The following NNMT variants were observed in gnomAD, a reference collection of about 807,000 sequenced individuals.
NNMT encodes the protein nicotinamide N-methyltransferase.
NNMT carries 10 observed loss-of-function variants against 11.7 expected under a neutral mutation model. That is an observed-to-expected ratio of 0.85 (90% CI 0.53 to 1.45). NNMT has a LOEUF of 1.45. Ranked by LOEUF, NNMT falls within the 40% of genes most tolerant of loss-of-function variation. NNMT has a pLI of 0.00. For missense variants in NNMT, 381 were observed against 319.4 expected, an observed-to-expected ratio of 1.19 and a Z score of -1.47; for synonymous variants, 143 against 133.8, an observed-to-expected ratio of 1.07 and a Z score of -0.48.
Position 114,279,647 on chromosome 11 carries a change from A to C in NNMT, c.-130+16713A>C, listed in dbSNP as rs768723731. 2.0e-5 allele frequency among the ~76,000 whole-genome samples: 3 copies of C among 152,192 alleles called. No homozygotes were observed. The East Asian group carries it at 5.8e-4, about 29-fold the overall frequency. ...CATTTGGCTCAAGGGTGGGCTCCCTATGCCAGAGCAGAAGGAGACAGTGCT... is the reference window on the plus strand; with the variant it reads ...CATTTGGCTCAAGGGTGGGCTCCCTCTGCCAGAGCAGAAGGAGACAGTGCT... On this transcript the variant is annotated intron_variant, in intron 2 of 4. Transcript: ENST00000535401.
intron 2 of NNMT, among the ~76,000 whole-genome samples, chr11:114,274,186 C>T (rs988560582): frequency 3.9e-5 from 6 of 152,226 alleles, no homozygotes. Context: ...ACAAACGTGT[C>T]TCTCTAAGAA....
chr11:114,291,548 C>T (rs1945335199), upstream of NNMT, among the ~76,000 whole-genome samples: 1 of 152,034 alleles, frequency 6.6e-6, no homozygotes, highest in South Asian at 2.1e-4. Context: ...TGGTTGTGGG[C>T]TTATGATCCT....
intron 2 of NNMT, among the ~76,000 whole-genome samples, chr11:114,273,659 G>A (rs1290825273): frequency 1.3e-5 from 2 of 152,120 alleles, no homozygotes; most frequent in African/African-American, 4.8e-5. Context: ...GGCCAACATG[G>A]TGAAACCCCG....
At chr11:114,271,058 T>C (rs1247316776) in intron 2 of NNMT, among the ~76,000 whole-genome samples, 1 of 152,172 alleles carries the variant, frequency 6.6e-6, no homozygotes, top group African/African-American at 2.4e-5. Flanking sequence ...ATTACAGGCA[T>C]GAACCACCAT....
At position 114,273,160 on chromosome 11, in the gene NNMT, C is replaced by T. The variant is rs190104664; in HGVS notation, c.-130+10226C>T. 1.6e-3 allele frequency among the ~76,000 whole-genome samples: 249 copies of T among 152,266 alleles called. 2 individuals carry two copies. Among genetic ancestry groups the T allele is most frequent in the African/African-American group, 5.7e-3 (237 of 41,542 alleles). On this transcript the variant is annotated intron_variant, in intron 2 of 4. Coordinates refer to the NNMT transcript ENST00000535401. ...AATTAAAGAGATGACTATTTCCTGT[C>T]GTTCTACAAAAAGGACCAAGATTTC...
chr11:114,282,507 CAG>C (rs1455081030), intron 2 of NNMT, among the ~76,000 whole-genome samples: 5 of 152,306 alleles, frequency 3.3e-5, no homozygotes, highest in Admixed American at 1.3e-4. Context: ...CATTTTGTGA[CAG>C]AGATTGTCTA....
chr11:114,274,653 G>C (rs1430782147), intron 2 of NNMT, among the ~76,000 whole-genome samples: 1 of 152,206 alleles, frequency 6.6e-6, no homozygotes, highest in Non-Finnish European at 1.5e-5. Flanking sequence ...GAAAGGAAGA[G>C]TGAGTTCTAT....
intron 2 of NNMT, among the ~76,000 whole-genome samples, chr11:114,278,200 G>C (rs758449061): frequency 7.2e-5 from 11 of 152,146 alleles, no homozygotes; most frequent in Non-Finnish European, 4.4e-5. Flanking sequence ...GGAAGGCAAG[G>C]GAGGAGCAGG....
chr11:114,274,608 A>G (rs1945200802), intron 2 of NNMT, among the ~76,000 whole-genome samples: 1 of 152,214 alleles, frequency 6.6e-6, no homozygotes, highest in Non-Finnish European at 1.5e-5. Flanking sequence ...GATGGAGACT[A>G]AGAAAGAAGG....
intron 2 of NNMT, among the ~76,000 whole-genome samples, chr11:114,266,483 A>C (rs1467112827): frequency 6.6e-6 from 1 of 152,152 alleles, no homozygotes; most frequent in Admixed American, 6.5e-5. Context: ...TTTCCAGAAC[A>C]GGACAGGCCT....
chr11:114,269,885 A>G (rs981934698), intron 2 of NNMT, among the ~76,000 whole-genome samples: 27 of 152,148 alleles, frequency 1.8e-4, no homozygotes, highest in Non-Finnish European at 3.4e-4. Context: ...TGCTTAATTC[A>G]TGTATTAATT....
At chr11:114,296,829 T>A in intron 1 of NNMT, 119 bp downstream of exon 1, 1 of 957,832 alleles carries the variant, frequency 1.0e-6, no homozygotes, top group Admixed American at 2.2e-5. Flanking sequence ...ATCACCCATT[T>A]ATTTAACTAG....
chr11:114,274,116 C>T (rs1945194757), intron 2 of NNMT, among the ~76,000 whole-genome samples: 2 of 152,194 alleles, frequency 1.3e-5, no homozygotes, highest in Admixed American at 1.3e-4. Context: ...GCTGTTAGTG[C>T]AGATAAAATT....
chr11:114,281,056 G>T (rs1945258666), intron 2 of NNMT, among the ~76,000 whole-genome samples: 1 of 152,186 alleles, frequency 6.6e-6, no homozygotes, highest in African/African-American at 2.4e-5. Flanking sequence ...CTGGCCCAGG[G>T]TCCCACTAGG....
intron 2 of NNMT, among the ~76,000 whole-genome samples, chr11:114,311,126 C>T (rs768185926): frequency 1.3e-5 from 2 of 152,004 alleles, no homozygotes; most frequent in African/African-American, 2.4e-5. Context: ...GCCAGAAGTT[C>T]GAGACCAGCC....
intron 2 of NNMT, among the ~76,000 whole-genome samples, chr11:114,284,108 A>C (rs778122132): frequency 3.3e-5 from 5 of 152,242 alleles, no homozygotes; most frequent in Non-Finnish European, 5.9e-5. Context: ...AAAGGAAACA[A>C]AGCAAAATAG....
chr11:114,272,412 T>C (rs769638787), intron 2 of NNMT, among the ~76,000 whole-genome samples: 2 of 152,162 alleles, frequency 1.3e-5, no homozygotes, highest in Non-Finnish European at 2.9e-5. Context: ...ACTTCAACCC[T>C]GGGGCAGGGT....
intron 2 of NNMT, among the ~76,000 whole-genome samples, chr11:114,283,134 T>C (rs1945273661): frequency 6.6e-6 from 1 of 152,198 alleles, no homozygotes. Context: ...AAATTAAATA[T>C]GTGGATACCT....
chr11:114,258,736 C>G (rs1945050658), intron 1 of NNMT, among the ~76,000 whole-genome samples: 1 of 152,244 alleles, frequency 6.6e-6, no homozygotes, highest in Admixed American at 6.5e-5. Context: ...TTCCAAGACA[C>G]CCTGAGTGAC....
Sources: gnomAD v4.1 joint callset for allele counts (sites outside exome capture counted in the v4.1 genomes callset) on GRCh38, gnomAD v4.1.1 for gene constraint, MANE v1.5 for transcripts, NCBI Gene and HGNC (gene_info 2026-07-23, HGNC 2026-07-21) for gene names.